Variants in BSN observed in about 807,000 individuals in gnomAD.
BSN encodes the protein bassoon presynaptic cytomatrix protein.
In BSN, 57 loss-of-function variants were observed where a neutral mutation model predicts 264.8. The ratio of observed to expected loss-of-function variants is 0.22; its 90% CI spans 0.17 to 0.27. BSN has a LOEUF of 0.27. Ranked by LOEUF, BSN falls within the 10% of genes least tolerant of loss-of-function variation. The pLI, the probability that BSN is intolerant of heterozygous loss-of-function variation, is 1.00. For missense variants in BSN, 4,615 were observed against 5,232.5 expected (o/e 0.88, Z 3.64); for synonymous variants, 2,059 against 2,137.3 (o/e 0.96, Z 1.01).
chr3:49,671,146 G>C lies in BSN; in HGVS notation c.*3661G>C, dbSNP rs917941231. On this transcript the variant is annotated 3_prime_UTR_variant, in exon 12 of 12. Transcript: ENST00000296452. The surrounding 1 kb of genome is among the most constrained non-coding windows in gnomAD (Gnocchi z 4.1). ...TGCACATGATCATGTGTGTATGTGCGTGCGTGCGTGCGTGTGTGTGTGTGT... is the reference window on the plus strand; with the variant it reads ...TGCACATGATCATGTGTGTATGTGCCTGCGTGCGTGCGTGTGTGTGTGTGT... 1 of 49,920 alleles carries C rather than the reference G, an allele frequency of 2.0e-5. No individual in the cohort carries two copies. Among genetic ancestry groups the C allele is most frequent in the African/African-American group, 5.3e-5 (1 of 19,006 alleles). 3.1% of individuals were successfully genotyped at this position (49,920 alleles called of 1,614,324 possible). A position where few individuals can be genotyped will look rare whatever the true frequency, so the allele number is the denominator to read the frequency against.
At chr3:49,574,630 CTTTTTTTTTTT>C (rs60300269) in intron 1 of BSN, among the ~76,000 whole-genome samples, 1 of 51,920 alleles carries the variant, frequency 1.9e-5, no homozygotes, top group Admixed American at 2.8e-4. Context: ...GGTGGGGTTT[CTTTTTTTTTTT>C]TTTTTTTTTT....
chr3:49,619,953 A>G (rs1205819164), intron 1 of BSN, among the ~76,000 whole-genome samples: 3 of 149,176 alleles, frequency 2.0e-5, no homozygotes, highest in Non-Finnish European at 4.4e-5. Context: ...AGCTGTGAGG[A>G]AAGCACACGG....
intron 3 of BSN, among the ~76,000 whole-genome samples, chr3:49,648,395 C>T (rs554982043): frequency 5.9e-5 from 9 of 152,334 alleles, no homozygotes; most frequent in African/African-American, 2.2e-4. Flanking sequence ...GGGCCTAGAT[C>T]CTAAACCCAT....
intron 3 of BSN, among the ~76,000 whole-genome samples, chr3:49,647,288 C>T (rs1227801674): frequency 2.0e-5 from 3 of 152,334 alleles, no homozygotes; most frequent in Non-Finnish European, 4.4e-5. Context: ...TCAGTCATCC[C>T]GTTTCCCCTT....
At chr3:49,615,484 C>T (rs545048267) in intron 1 of BSN, among the ~76,000 whole-genome samples, 1 of 152,248 alleles carries the variant, frequency 6.6e-6, no homozygotes, top group East Asian at 1.9e-4. Flanking sequence ...CATAAAGGGG[C>T]TGGGAAGTTA....
chr3:49,661,084 C>T lies in BSN; in HGVS notation c.9239C>T (p.Ala3080Val). The part of the protein sequence containing the change: ...PTQNGFPAHQ[A>V]PTYPGPSTYP... ...CAGAACGGATTCCCAGCCCACCAGG[C>T]CCCCACCTACCCTGGCCCCAGCACG... Residue 3080 changes from alanine to valine, a missense_variant, in exon 6 of 12, where the codon GCC (alanine) becomes GTC (valine). Ala to Val is a moderately conservative substitution (Grantham distance 64). Transcript: ENST00000296452. 1 of 1,612,330 alleles carries T rather than the reference C, an allele frequency of 6.2e-7. No homozygotes were observed. The highest frequency in any genetic ancestry group is 8.5e-7 in the Non-Finnish European group (1 of 1,179,854).
intron 1 of BSN, among the ~76,000 whole-genome samples, chr3:49,570,396 G>C (rs962628097): frequency 6.6e-6 from 1 of 152,154 alleles, no homozygotes; most frequent in African/African-American, 2.4e-5. Flanking sequence ...TTCCTCCCCA[G>C]CTTTATTAGG....
chr3:49,617,368 A>G, intron 1 of BSN, among the ~76,000 whole-genome samples: 1 of 148,252 alleles, frequency 6.7e-6, no homozygotes, highest in Non-Finnish European at 1.5e-5. Flanking sequence ...TCCCTGTTTG[A>G]CTTCTAGCCA....
Position 49,554,602 on chromosome 3 carries a change from C to G in BSN, c.-1C>G. On this transcript the variant is annotated 5_prime_UTR_variant, in exon 1 of 12. Coordinates refer to ENST00000296452, the MANE Select transcript of BSN (RefSeq NM_003458.4). The stretch of plus-strand genomic sequence containing the variant: ...CGACCCCGCCCGCCCGCCTGCCCGC[C>G]ATGGGCAACGAGGTCAGCCTGGAGG... 1.0e-6 allele frequency: 1 copy of G among 989,188 alleles called. No homozygotes were observed. The highest frequency in any genetic ancestry group is 1.2e-6 in the Non-Finnish European group (1 of 833,928). 61.3% of individuals were successfully genotyped at this position (989,188 alleles called of 1,614,324 possible). A position where few individuals can be genotyped will look rare whatever the true frequency, so the allele number is the denominator to read the frequency against.
chr3:49,661,696 A>G lies in BSN; in HGVS notation c.9851A>G (p.Tyr3284Cys), dbSNP rs778818947. 3.7e-6 allele frequency: 6 copies of G among 1,613,738 alleles called. No individual in the cohort carries two copies. Among genetic ancestry groups the G allele is most frequent in the East Asian group, 2.2e-5 (1 of 44,884 alleles). The change falls in exon 6 of 12, where the codon TAT becomes TGT. Residue 3284 changes from tyrosine (Y) to cysteine (C), a missense_variant. Physicochemically the swap from Tyr to Cys is radical, Grantham distance 194. Coordinates refer to ENST00000296452, the MANE Select transcript of BSN (RefSeq NM_003458.4). ...GACGGGCCCACACTGCCCTGCTGCT[A>G]TGCCAGAGGAGAAGAGGAATCTGAG... ...VLDGPTLPCC[Y>C]ARGEEESEED...
At chr3:49,571,994 C>T (rs749486571) in intron 1 of BSN, among the ~76,000 whole-genome samples, 1 of 152,152 alleles carries the variant, frequency 6.6e-6, no homozygotes, top group Non-Finnish European at 1.5e-5. Flanking sequence ...ATTCAACAAG[C>T]ATTTAGCCCC....
chr3:49,654,634 C>G lies in BSN; in HGVS notation c.5078C>G (p.Ala1693Gly). The change falls in exon 5 of 12, where the codon GCG (alanine) becomes GGG (glycine). Residue 1693 changes from alanine (A) to glycine (G), a missense_variant. By Grantham distance (60) the Ala-to-Gly change is moderately conservative. Around this residue, in one of 3 missense-constraint regions of BSN, gnomAD observed 3,415 missense variants for 3,866.4 expected, o/e 0.88. Transcript: ENST00000296452. The surrounding 1 kb of genome is among the most constrained non-coding windows in gnomAD (Gnocchi z 4.1). ...GACCTCACCTCTCTTGCTGTGGAAG[C>G]GAGGAAGTATGGTCTTGCCCTGGAT... ...GMDLTSLAVEARKYGLALDPI... is the reference protein window; with the variant it reads ...GMDLTSLAVEGRKYGLALDPI... 1.9e-6 allele frequency: 3 copies of G among 1,613,946 alleles called. No homozygotes were observed. Among genetic ancestry groups the G allele is most frequent in the Non-Finnish European group, 2.5e-6 (3 of 1,180,006 alleles).
Position 49,654,834 on chromosome 3 carries a change from G to T in BSN, c.5278G>T (p.Asp1760Tyr), listed in dbSNP as rs1189007414. The change falls in exon 5 of 12, where the codon GAC becomes TAC. Residue 1760 changes from aspartate (D) to tyrosine (Y), a missense_variant. Physicochemically the swap from Asp to Tyr is radical, Grantham distance 160 (BLOSUM62 -3). Around this residue, in one of 3 missense-constraint regions of BSN, gnomAD observed 3,415 missense variants for 3,866.4 expected, o/e 0.88. Transcript: ENST00000296452. The surrounding 1 kb of genome is among the most constrained non-coding windows in gnomAD (Gnocchi z 4.1). ...TGGAGACCCCTACCAGAGCCGCCTT[G>T]ACTTTGGCCAGGGTGGGGGTAGCCC... ...VYGDPYQSRL[D>Y]FGQGGGSPVC... 2 of 1,613,554 alleles carry T rather than the reference G, an allele frequency of 1.2e-6. No individual in the cohort carries two copies. The highest frequency in any genetic ancestry group is 1.1e-5 in the South Asian group (1 of 91,080).
chr3:49,624,209 G>T (rs911323270), intron 1 of BSN, among the ~76,000 whole-genome samples: 8 of 151,738 alleles, frequency 5.3e-5, no homozygotes, highest in African/African-American at 1.9e-4. Flanking sequence ...ACCCATGTTG[G>T]CCAGGATGGT....
At chr3:49,613,298 C>CAGAGCG in intron 1 of BSN, among the ~76,000 whole-genome samples, 1 of 25,698 alleles carries the variant, frequency 3.9e-5, no homozygotes, top group East Asian at 2.6e-3. Flanking sequence ...TATACACACA[C>CAGAGCG]AGAGCGAGAG....
chr3:49,633,671 ACAAC>A (rs918636901), intron 2 of BSN, among the ~76,000 whole-genome samples: 2 of 152,236 alleles, frequency 1.3e-5, no homozygotes, highest in Non-Finnish European at 2.9e-5. Flanking sequence ...AAATGTGAAA[ACAAC>A]CAACAGCCCA....
intron 1 of BSN, among the ~76,000 whole-genome samples, chr3:49,569,516 T>G (rs978906224): frequency 2.0e-5 from 3 of 152,192 alleles, no homozygotes; most frequent in Non-Finnish European, 4.4e-5. Context: ...CCCTTATTTA[T>G]TACCCTAGAT....
intron 6 of BSN, 35 bp from the exon 7 acceptor site, chr3:49,662,841 G>T: frequency 6.6e-7 from 1 of 1,526,500 alleles, no homozygotes; most frequent in South Asian, 1.3e-5. Flanking sequence ...CGGCTAGCCC[G>T]GGGGTTGATG....
intron 1 of BSN, among the ~76,000 whole-genome samples, chr3:49,559,989 T>C (rs1418723795): frequency 6.6e-6 from 1 of 152,200 alleles, no homozygotes; most frequent in East Asian, 1.9e-4. Flanking sequence ...ACTTTTCTGT[T>C]CCTTTTCTAA....
Sources: allele counts gnomAD v4.1 joint callset (sites outside exome capture counted in the v4.1 genomes callset), GRCh38; gene constraint gnomAD v4.1.1; regional missense constraint gnomAD v4.1.1; non-coding constraint Gnocchi (gnomAD v3.1); transcripts MANE v1.5; gene names NCBI Gene and HGNC (gene_info 2026-07-23, HGNC 2026-07-21).